LLGL1: variants seen among roughly 807,000 people sequenced by gnomAD.
The protein encoded by LLGL1 is lethal(2) giant larvae protein homolog 1.
In LLGL1, 58 loss-of-function variants were observed where a neutral mutation model predicts 110.6. The ratio of observed to expected loss-of-function variants is 0.52; its 90% CI spans 0.42 to 0.65. The LOEUF (loss-of-function observed/expected upper bound fraction) is 0.65. LLGL1 is among the 30% of genes least tolerant of loss of function. The probability of loss-of-function intolerance (pLI) is 0.00; values close to 1 mark genes in which losing one functional copy is unlikely to be tolerated. For synonymous variants in LLGL1, 674 were observed against 607.2 expected (o/e 1.11, Z -1.62); for missense variants, 1,229 against 1,462.1 (o/e 0.84, Z 2.60).
rs1261196043 is a variant in LLGL1, at chr17:18,241,559, G to A, written c.2611G>A (p.Glu871Lys). ...ALATFASVAC[E>K]DYAETCLACL... ...GGCCACGTTTGCCAGTGTGGCCTGC[G>A]AGGACTATGCTGAGACCTGCCTGGC... Residue 871 changes from glutamate to lysine, a missense_variant, in exon 18 of 23, where the codon GAG (glutamate) becomes AAG (lysine). Physicochemically the swap from Glu to Lys is moderately conservative, Grantham distance 56 (BLOSUM62 1). Coordinates refer to ENST00000316843, the MANE Select transcript of LLGL1 (RefSeq NM_004140.4). 8 of 1,613,826 alleles carry A rather than the reference G, an allele frequency of 5.0e-6. No individual in the cohort carries two copies. Among genetic ancestry groups the A allele is most frequent in the South Asian group, 1.1e-5 (1 of 91,088 alleles).
At position 18,240,514 on chromosome 17, in the gene LLGL1, G is replaced by C. The variant is rs569804031; in HGVS notation, c.2207-64G>C. On this transcript the variant is annotated intron_variant, in intron 16 of 22. Coordinates refer to ENST00000316843, the MANE Select transcript of LLGL1 (RefSeq NM_004140.4). This position sits in a 1 kb window ranked among gnomAD's most constrained non-coding sequence, Gnocchi z 5.3. ...GGCAGGGAGGGACCTGCAGTCTGTG[G>C]GAAGACCCCAGGGGAGATGCCTGGC... The C allele has an allele frequency of 6.7e-7, 1 of 1,497,142 alleles. No individual in the cohort carries two copies. The highest frequency in any genetic ancestry group is 1.4e-5 in the African/African-American group (1 of 72,052). The allele number at this position is 1,497,142 out of a possible 1,614,324, so 92.7% of individuals were successfully genotyped here.
At position 18,235,483 on chromosome 17, in the gene LLGL1, C is replaced by T. The variant is rs1446500828; in HGVS notation, c.1298C>T (p.Thr433Ile). ...ACCCCCTCCCAGAGCTGGCCCATCA[C>T]TGGGGGCCGAAACCTGGCCCAGGAG... ...PVSSALSWPI[T>I]GGRNLAQEPS... is the part of the protein sequence containing the mutation. Residue 433 changes from threonine (T) to isoleucine (I), a missense_variant, in exon 11 of 23, where the codon ACT (threonine) becomes ATT (isoleucine). Physicochemically the swap from Thr to Ile is moderately conservative, Grantham distance 89. Transcript: ENST00000316843. The T allele has an allele frequency of 4.3e-6, 7 of 1,614,078 alleles. No individual in the cohort carries two copies. Among genetic ancestry groups the T allele is most frequent in the Non-Finnish European group, 5.9e-6 (7 of 1,180,002 alleles).
chr17:18,236,343 T>A (rs1597870584), intron 11 of LLGL1: 3 of 480,280 alleles, frequency 6.2e-6, no homozygotes, highest in Non-Finnish European at 7.4e-6. Flanking sequence ...CTTTGCCACC[T>A]CCTGTTAATC....
chr17:18,244,738 G>GGGGGGGGGGGGGT lies in LLGL1; in HGVS notation c.*840_*841insGGGGTGGGGGGGG, dbSNP rs2047959616. On this transcript the variant is annotated 3_prime_UTR_variant, in exon 23 of 23. Transcript: ENST00000316843. ...TGTGTCCGGCGGGGGGGGGGGGCAG[G>GGGGGGGGGGGGGT]GGGGGGGGTCAAGATGAGTTTCCCT... is the stretch of plus-strand genomic sequence containing the variant. The GGGGGGGGGGGGGT allele has an allele frequency of 2.6e-5, 1 of 39,206 alleles. No homozygotes were observed. The allele number at this position is 39,206 out of a possible 1,614,324, so 2.4% of individuals were successfully genotyped here.
intron 11 of LLGL1, 186 bp downstream of exon 11, chr17:18,235,723 G>A (rs2047678605): frequency 1.6e-6 from 1 of 607,526 alleles, no homozygotes; most frequent in Non-Finnish European, 2.9e-6. Flanking sequence ...GTGCTGCCCT[G>A]ATCTGCCTTT....
intron 11 of LLGL1, 30 bp from the exon 12 acceptor site, chr17:18,236,576 CG>C (rs2047698762): frequency 1.3e-6 from 2 of 1,586,846 alleles, no homozygotes; most frequent in Non-Finnish European, 1.7e-6. Context: ...CCCAGGAACT[CG>C]GGTAGCCCTG....
At position 18,234,053 on chromosome 17, in the gene LLGL1, G is replaced by C; in HGVS notation, c.592G>C (p.Val198Leu). ...CCGCTGTGGGAAGGCACTGGGCCCCGTGGAGTCACTCCAGGGACACCTGCG... is the reference window on the plus strand; with the variant it reads ...CCGCTGTGGGAAGGCACTGGGCCCCCTGGAGTCACTCCAGGGACACCTGCG... ...DYRCGKALGPVESLQGHLRDP... is the reference protein window; with the variant it reads ...DYRCGKALGPLESLQGHLRDP... The change falls in exon 6 of 23, where the codon GTG becomes CTG. Residue 198 changes from valine to leucine, a missense_variant. Transcript: ENST00000316843. The C allele has an allele frequency of 1.9e-6, 3 of 1,602,064 alleles. No individual in the cohort carries two copies. Among genetic ancestry groups the C allele is most frequent in the Non-Finnish European group, 1.7e-6 (2 of 1,172,116 alleles).
rs1654212482 is a variant in LLGL1 at position 18,234,820 on chromosome 17, C to T, written c.906-19C>T. On this transcript the variant is annotated intron_variant, in intron 8 of 22. Coordinates refer to ENST00000316843, the MANE Select transcript of LLGL1 (RefSeq NM_004140.4). ...GGACCCAAGTGGTTCATGGCTCGCA[C>T]ACCTCCCTCTGCACATAGGGGCCAC... 6.2e-7 allele frequency: 1 copy of T among 1,613,816 alleles called. No individual in the cohort carries two copies.
chr17:18,228,119 G>A (rs1429149003), intron 1 of LLGL1, among the ~76,000 whole-genome samples: 1 of 152,234 alleles, frequency 6.6e-6, no homozygotes, highest in African/African-American at 2.4e-5. Flanking sequence ...TAACTCAGGT[G>A]GCTGATATAG....
Position 18,240,590 on chromosome 17 carries a change from G to T in LLGL1, c.2219G>T (p.Gly740Val). ...TTGTTTTCTGCAGGGGCCCACCACG[G>T]GCCCACCATGTGGGCTGGCACCAAC... The part of the protein sequence containing the change: ...DTFLRDGAHH[G>V]PTMWAGTNSG... Residue 740 changes from glycine to valine, a missense_variant, in exon 17 of 23, where the codon GGG becomes GTG. Coordinates refer to ENST00000316843, the MANE Select transcript of LLGL1 (RefSeq NM_004140.4). This position sits in a 1 kb window ranked among gnomAD's most constrained non-coding sequence, Gnocchi z 5.3. 6.3e-7 allele frequency: 1 copy of T among 1,596,724 alleles called. No individual in the cohort carries two copies. Among genetic ancestry groups the T allele is most frequent in the Non-Finnish European group, 8.6e-7 (1 of 1,168,284 alleles).
rs1490642915 is a variant in LLGL1 at position 18,232,524 on chromosome 17, G to A, written c.209G>A (p.Gly70Asp). Residue 70 changes from glycine to aspartate, a missense_variant, in exon 3 of 23, where the codon GGC (glycine) becomes GAC (aspartate). By Grantham distance (94) the Gly-to-Asp change is moderately conservative (BLOSUM62 -1). Coordinates refer to ENST00000316843, the MANE Select transcript of LLGL1 (RefSeq NM_004140.4). Reference protein sequence around the residue: ...IYGAPGVEFTGLHRDAATVTQ... With the variant: ...IYGAPGVEFTDLHRDAATVTQ... Reference sequence around the variant, plus strand: ...GGTGCACCTGGCGTGGAGTTCACAGGCCTGCACCGGGATGCAGCCACTGTC... The same window carrying A: ...GGTGCACCTGGCGTGGAGTTCACAGACCTGCACCGGGATGCAGCCACTGTC... 6 of 1,613,958 alleles carry A rather than the reference G, an allele frequency of 3.7e-6. No homozygotes were observed. Among genetic ancestry groups the A allele is most frequent in the Non-Finnish European group, 2.5e-6 (3 of 1,179,988 alleles).
At chr17:18,236,314 C>G (rs1162184879) in intron 11 of LLGL1, 3 of 400,912 alleles carry the variant, frequency 7.5e-6, no homozygotes, top group South Asian at 3.3e-5. Flanking sequence ...CCAAAGTCCT[C>G]TGTTCTCTAC....
intron 2 of LLGL1, among the ~76,000 whole-genome samples, chr17:18,231,077 G>A (rs961486565): frequency 6.6e-6 from 1 of 152,202 alleles, no homozygotes; most frequent in African/African-American, 2.4e-5. Context: ...TGTCCCTCCT[G>A]TGTTGGGGTC....
At chr17:18,238,633 A>AGGGG in intron 16 of LLGL1, 24 bp downstream of exon 16, 1 of 1,601,398 alleles carries the variant, frequency 6.2e-7, no homozygotes, top group Non-Finnish European at 8.5e-7. Context: ...AGGGGCAGGG[A>AGGGG]CAGGGCAAGG....
rs763411085 is a variant in LLGL1, at chr17:18,236,626, A to T, written c.1372A>T (p.Arg458Trp). ...LLTGHEDGTV[R>W]FWDASGVALR... The stretch of plus-strand genomic sequence containing the variant: ...CTGCAGCCATGAGGACGGCACCGTG[A>T]GGTTCTGGGATGCCTCGGGTGTGGC... The change falls in exon 12 of 23, where the codon AGG becomes TGG. Residue 458 changes from arginine to tryptophan, a missense_variant. Coordinates refer to ENST00000316843, the MANE Select transcript of LLGL1 (RefSeq NM_004140.4). The T allele has an allele frequency of 1.2e-6, 2 of 1,612,250 alleles. No homozygotes were observed. Among genetic ancestry groups the T allele is most frequent in the Admixed American group, 3.3e-5 (2 of 59,984 alleles).
At chr17:18,230,443 GAC>G (rs1430827273) in intron 2 of LLGL1, among the ~76,000 whole-genome samples, 2 of 152,178 alleles carry the variant, frequency 1.3e-5, no homozygotes, top group Non-Finnish European at 2.9e-5. Context: ...TGAATGTGAA[GAC>G]ACATGTGTTC....
At chr17:18,243,373 C>G (rs778411944) in intron 22 of LLGL1, among the ~76,000 whole-genome samples, 1 of 152,238 alleles carries the variant, frequency 6.6e-6, no homozygotes, top group Non-Finnish European at 1.5e-5. Context: ...TCCCTAAGTC[C>G]TGGGATTACA....
intron 1 of LLGL1, among the ~76,000 whole-genome samples, chr17:18,226,018 CT>C (rs2047431661): frequency 6.6e-6 from 1 of 152,104 alleles, no homozygotes; most frequent in East Asian, 1.9e-4. Context: ...GGCCCTGGCT[CT>C]GCCAGTCTGT....
chr17:18,226,080 C>T (rs1043581632), intron 1 of LLGL1, among the ~76,000 whole-genome samples: 5 of 152,060 alleles, frequency 3.3e-5, no homozygotes, highest in African/African-American at 4.8e-5. Context: ...GGGTCTCTGT[C>T]CCTCTTTCTC....
Sources: allele counts gnomAD v4.1 joint callset (sites outside exome capture counted in the v4.1 genomes callset), GRCh38; gene constraint gnomAD v4.1.1; non-coding constraint Gnocchi (gnomAD v3.1); transcripts MANE v1.5; gene names NCBI Gene and HGNC (gene_info 2026-07-23, HGNC 2026-07-21).